Variants in ST6GALNAC3 observed in about 807,000 individuals in gnomAD.
ST6GALNAC3 encodes ST6 N-acetylgalactosaminide alpha-2,6-sialyltransferase 3.
A neutral mutation model predicts 32.7 loss-of-function variants in ST6GALNAC3; 25 were observed. That is an observed-to-expected ratio of 0.76 (90% CI 0.56 to 1.07). The LOEUF (loss-of-function observed/expected upper bound fraction) is 1.07, where lower values mean the gene tolerates loss of function less well. Ranked by LOEUF, ST6GALNAC3 falls within the 50% of genes least tolerant of loss-of-function variation. ST6GALNAC3 has a pLI of 0.00. For missense variants in ST6GALNAC3, 355 were observed against 382.4 expected (o/e 0.93, Z 0.60); for synonymous variants, 129 against 133.1 (o/e 0.97, Z 0.21).
At chr1:76,527,629 T>A (rs1662995476) in intron 3 of ST6GALNAC3, among the ~76,000 whole-genome samples, 1 of 152,140 alleles carries the variant, frequency 6.6e-6, no homozygotes, top group African/African-American at 2.4e-5. Context: ...CTGTCAAGTC[T>A]CTTTATCATG....
chr1:76,384,693 G>C (rs1403113493), intron 2 of ST6GALNAC3, among the ~76,000 whole-genome samples: 1 of 151,962 alleles, frequency 6.6e-6, no homozygotes, highest in Non-Finnish European at 1.5e-5. Flanking sequence ...TATTTCCTCT[G>C]ATCAGAGTGG....
At chr1:76,087,670 G>A (rs1159196102) in intron 1 of ST6GALNAC3, among the ~76,000 whole-genome samples, 1 of 152,190 alleles carries the variant, frequency 6.6e-6, no homozygotes, top group Non-Finnish European at 1.5e-5. Flanking sequence ...AAGGCTTGGA[G>A]AGGCTAAGTC....
At chr1:76,097,552 C>G (rs1647155904) in intron 1 of ST6GALNAC3, among the ~76,000 whole-genome samples, 1 of 152,132 alleles carries the variant, frequency 6.6e-6, no homozygotes, top group Non-Finnish European at 1.5e-5. Context: ...GACAATTAAG[C>G]GTCTTTCCTT....
intron 1 of ST6GALNAC3, among the ~76,000 whole-genome samples, chr1:76,278,761 T>C (rs911814527): frequency 6.6e-6 from 1 of 152,314 alleles, no homozygotes; most frequent in African/African-American, 2.4e-5. Flanking sequence ...AGGTGTTATT[T>C]GTCCTATTTT....
intron 3 of ST6GALNAC3, among the ~76,000 whole-genome samples, chr1:76,421,050 T>A (rs1394283842): frequency 6.6e-6 from 1 of 152,080 alleles, no homozygotes; most frequent in Non-Finnish European, 1.5e-5. Flanking sequence ...ATGCTTGACT[T>A]TAATAGGTAT....
At chr1:76,195,036 A>G (rs1654116894) in intron 1 of ST6GALNAC3, among the ~76,000 whole-genome samples, 1 of 152,174 alleles carries the variant, frequency 6.6e-6, no homozygotes, top group South Asian at 2.1e-4. Flanking sequence ...CACATTCCTT[A>G]ATATTACCAC....
At chr1:76,250,419 CTTGTTAATGGCT>C (rs1188351949) in intron 1 of ST6GALNAC3, among the ~76,000 whole-genome samples, 9 of 152,184 alleles carry the variant, frequency 5.9e-5, no homozygotes, top group Non-Finnish European at 1.3e-4. Flanking sequence ...TCTAGTCTGA[CTTGTTAATGGCT>C]TTTTAAGTGA....
chr1:76,274,113 A>G (rs1485472672), intron 1 of ST6GALNAC3, among the ~76,000 whole-genome samples: 1 of 152,204 alleles, frequency 6.6e-6, no homozygotes, highest in Non-Finnish European at 1.5e-5. Flanking sequence ...TCATAGTTCA[A>G]GAGAGTTTTG....
chr1:76,583,969 C>T (rs909488204), intron 3 of ST6GALNAC3, among the ~76,000 whole-genome samples: 2 of 151,882 alleles, frequency 1.3e-5, no homozygotes, highest in Non-Finnish European at 2.9e-5. Context: ...TGTTCCTCAC[C>T]ACCACTCTAA....
In ST6GALNAC3 at chr1:76,351,072, T is replaced by G. The variant is rs190621927; in HGVS notation, c.213+37073T>G. Reference sequence around the variant, plus strand: ...ATCTTACATACTAATCAGCTTTCACTGAGAGATTAATTTACTAGAATTTCT... The same window carrying G: ...ATCTTACATACTAATCAGCTTTCACGGAGAGATTAATTTACTAGAATTTCT... On this transcript the variant is annotated intron_variant, in intron 2 of 4. Coordinates refer to ENST00000328299, the MANE Select transcript of ST6GALNAC3 (RefSeq NM_152996.4). Among the ~76,000 whole-genome samples, 255 of 152,314 alleles carry G rather than the reference T, an allele frequency of 1.7e-3. 1 individual carries two copies. The highest frequency in any genetic ancestry group is 5.9e-3 in the African/African-American group (245 of 41,574).
At chr1:76,593,417 A>G (rs1279849611) in intron 3 of ST6GALNAC3, among the ~76,000 whole-genome samples, 1 of 152,188 alleles carries the variant, frequency 6.6e-6, no homozygotes, top group African/African-American at 2.4e-5. Context: ...GAATGCCCAC[A>G]TTAGATAACA....
intron 1 of ST6GALNAC3, among the ~76,000 whole-genome samples, chr1:76,142,234 G>T (rs1437852893): frequency 1.3e-5 from 2 of 152,184 alleles, no homozygotes; most frequent in Non-Finnish European, 2.9e-5. Context: ...TCTTAAGGAA[G>T]AGGCTAAGCT....
chr1:76,174,613 GA>G (rs1249718456), intron 1 of ST6GALNAC3, among the ~76,000 whole-genome samples: 1 of 149,658 alleles, frequency 6.7e-6, no homozygotes, highest in African/African-American at 2.5e-5. Flanking sequence ...AGATCATGAA[GA>G]TTTTTTTCCA....
intron 1 of ST6GALNAC3, among the ~76,000 whole-genome samples, chr1:76,245,517 A>G (rs891576989): frequency 4.0e-5 from 6 of 151,730 alleles, no homozygotes; most frequent in African/African-American, 1.5e-4. Context: ...TTTAATTTTG[A>G]TGTTAGGGTA....
intron 2 of ST6GALNAC3, among the ~76,000 whole-genome samples, chr1:76,359,054 G>T (rs1159422265): frequency 6.6e-6 from 1 of 152,162 alleles, no homozygotes; most frequent in Admixed American, 6.5e-5. Flanking sequence ...GTATTTCTGA[G>T]AGTAGGGTAG....
intron 3 of ST6GALNAC3, among the ~76,000 whole-genome samples, chr1:76,463,159 A>C (rs1658395528): frequency 1.3e-5 from 2 of 152,194 alleles, no homozygotes; most frequent in African/African-American, 4.8e-5. Context: ...AAGTTCTAAA[A>C]ATTTTAATAG....
At chr1:76,490,173 A>G (rs1234208154) in intron 3 of ST6GALNAC3, among the ~76,000 whole-genome samples, 1 of 152,028 alleles carries the variant, frequency 6.6e-6, no homozygotes, top group East Asian at 1.9e-4. Flanking sequence ...ACCCTCTTGC[A>G]TGTCCCCTCT....
intron 3 of ST6GALNAC3, among the ~76,000 whole-genome samples, chr1:76,561,653 C>T (rs528772251): frequency 5.3e-5 from 8 of 152,248 alleles, no homozygotes; most frequent in Non-Finnish European, 1.0e-4. Flanking sequence ...AAACTGGAAT[C>T]CTCATACACT....
chr1:76,517,877 A>G (rs958830651), intron 3 of ST6GALNAC3, among the ~76,000 whole-genome samples: 1 of 151,944 alleles, frequency 6.6e-6, no homozygotes, highest in African/African-American at 2.4e-5. Flanking sequence ...GGAGGTGTTC[A>G]TTTTTACTAT....
Sources: allele counts gnomAD v4.1 joint callset (sites outside exome capture counted in the v4.1 genomes callset), GRCh38; gene constraint gnomAD v4.1.1; transcripts MANE v1.5; gene names NCBI Gene and HGNC (gene_info 2026-07-23, HGNC 2026-07-21).